Variants in RIMS2 observed in about 807,000 individuals in gnomAD.
The protein encoded by RIMS2 is regulating synaptic membrane exocytosis protein 2.
Under a neutral mutation model 174.4 loss-of-function variants are expected in RIMS2, and 59 were observed. That is an observed-to-expected ratio of 0.34 (90% confidence interval 0.27 to 0.42). The LOEUF (loss-of-function observed/expected upper bound fraction) is 0.42, where lower values mean the gene tolerates loss of function less well. Among genes scored for constraint, RIMS2 ranks in the 10% least tolerant of loss-of-function variants. The pLI is 1.00. For synonymous variants in RIMS2, 606 were observed against 572.5 expected (o/e 1.06, Z -0.84); for missense variants, 1,620 against 1,666.3 (o/e 0.97, Z 0.48).
intron 1 of RIMS2, among the ~76,000 whole-genome samples, chr8:103,653,276 C>T (rs1455083206): frequency 6.6e-6 from 1 of 152,136 alleles, no homozygotes; most frequent in African/African-American, 2.4e-5. Context: ...TCACACTGAC[C>T]TGAAGCATTA....
At position 103,831,765 on chromosome 8, in the gene RIMS2, C is replaced by G. The variant is rs533035067; in HGVS notation, c.699-53533C>G. Among the ~76,000 whole-genome samples, 17 of 152,282 alleles carry G rather than the reference C, an allele frequency of 1.1e-4. No homozygotes were observed. The South Asian group carries it at 3.5e-3, about 32-fold the overall frequency. On this transcript the variant is annotated intron_variant, in intron 3 of 23. Transcript: ENST00000504942. ...TTATACCATTAAGGAAAGTGAGGCT[C>G]AGGCAGAGTCCTGACCAGTGATTAT...
chr8:103,658,957 A>G lies in RIMS2; in HGVS notation c.177-38129A>G, dbSNP rs191737905. On this transcript the variant is annotated intron_variant, in intron 1 of 23. Coordinates refer to ENST00000504942, the Ensembl canonical transcript of RIMS2. ...AATTTAAAAATATGTGGGGCAGTCCATTATTCATTCACAAGGAGAGAGCAG... is the reference window on the plus strand; with the variant it reads ...AATTTAAAAATATGTGGGGCAGTCCGTTATTCATTCACAAGGAGAGAGCAG... Among the ~76,000 whole-genome samples, 137 of 152,354 alleles carry G rather than the reference A, an allele frequency of 9.0e-4. 4 individuals carry two copies. The highest frequency in any genetic ancestry group is 9.0e-3 in the Admixed American group (137 of 15,302).
intron 17 of RIMS2, among the ~76,000 whole-genome samples, chr8:104,006,379 T>C (rs1220651090): frequency 1.3e-5 from 2 of 151,858 alleles, no homozygotes; most frequent in African/African-American, 4.8e-5. Context: ...GGAGAAACCC[T>C]ATCTCTACTA....
At chr8:103,984,545 A>G (rs2094194939) in intron 16 of RIMS2, among the ~76,000 whole-genome samples, 1 of 152,204 alleles carries the variant, frequency 6.6e-6, no homozygotes, top group African/African-American at 2.4e-5. Flanking sequence ...ATCCTAAAAC[A>G]ATAACAAATG....
At chr8:104,255,942 C>T (rs1173297963), downstream of RIMS2, 1 of 152,178 alleles carries the variant, frequency 6.6e-6, no homozygotes, top group Non-Finnish European at 1.5e-5. Context: ...TTCATTTCCT[C>T]ACCTGGAAAA....
intron 1 of RIMS2, among the ~76,000 whole-genome samples, chr8:103,642,565 T>C (rs2096251509): frequency 1.3e-5 from 2 of 152,118 alleles, no homozygotes; most frequent in African/African-American, 4.8e-5. Flanking sequence ...TTCTTGTCTC[T>C]GAAGGAAATG....
chr8:104,047,391 A>C (rs1413368949), intron 19 of RIMS2, among the ~76,000 whole-genome samples: 2 of 152,138 alleles, frequency 1.3e-5, no homozygotes, highest in Non-Finnish European at 2.9e-5. Flanking sequence ...CCTGTAAGAA[A>C]TATTGGTCTG....
chr8:103,929,213 T>C lies in RIMS2; in HGVS notation c.2244+1324T>C, dbSNP rs2079389834. The stretch of plus-strand genomic sequence containing the variant: ...ACCAAAAATATGAAAGCCATATGTT[T>C]ACTCTGTATGAGAAATTGATAATAT... On this transcript the variant is annotated intron_variant, in intron 11 of 23. Coordinates refer to ENST00000504942, the Ensembl canonical transcript of RIMS2. Among the ~76,000 whole-genome samples the C allele has an allele frequency of 2.0e-5, 3 of 151,790 alleles. No homozygotes were observed. The South Asian group carries it at 6.2e-4, about 31-fold the overall frequency.
At chr8:104,169,771 G>A (rs995537876) in intron 19 of RIMS2, among the ~76,000 whole-genome samples, 10 of 151,954 alleles carry the variant, frequency 6.6e-5, no homozygotes, top group Non-Finnish European at 1.5e-5. Flanking sequence ...ACATTAGGTT[G>A]TCTATTTGTG....
At chr8:104,108,033 T>G (rs980759098) in intron 19 of RIMS2, among the ~76,000 whole-genome samples, 1 of 148,764 alleles carries the variant, frequency 6.7e-6, no homozygotes, top group Non-Finnish European at 1.5e-5. Flanking sequence ...CATAATAATG[T>G]ATTTCATGGC....
At chr8:103,531,382 TA>T (rs1467488311) in intron 1 of RIMS2, among the ~76,000 whole-genome samples, 1 of 152,208 alleles carries the variant, frequency 6.6e-6, no homozygotes, top group Non-Finnish European at 1.5e-5. Flanking sequence ...TAGGAATCAA[TA>T]AATCATCTTC....
At chr8:104,159,766 A>G (rs1483113146) in intron 19 of RIMS2, among the ~76,000 whole-genome samples, 1 of 152,140 alleles carries the variant, frequency 6.6e-6, no homozygotes, top group Non-Finnish European at 1.5e-5. Context: ...CCATTTCTTA[A>G]TCAGGTTCCA....
At chr8:103,862,241 C>T (rs2099062654) in intron 3 of RIMS2, among the ~76,000 whole-genome samples, 1 of 151,808 alleles carries the variant, frequency 6.6e-6, no homozygotes, top group African/African-American at 2.4e-5. Context: ...GTGTCCTTTA[C>T]CCATTGTTTA....
chr8:103,621,897 G>A (rs2134682607), intron 1 of RIMS2, among the ~76,000 whole-genome samples: 1 of 152,274 alleles, frequency 6.6e-6, no homozygotes, highest in Middle Eastern at 3.4e-3. Context: ...AAGTACCTAA[G>A]TGATAGAATA....
At chr8:103,750,312 T>G (rs1329878390) in intron 2 of RIMS2, among the ~76,000 whole-genome samples, 2 of 152,184 alleles carry the variant, frequency 1.3e-5, no homozygotes, top group African/African-American at 4.8e-5. Context: ...ATCACATATT[T>G]ACTGATTCAA....
At chr8:103,622,820 C>T (rs2095667424) in intron 1 of RIMS2, among the ~76,000 whole-genome samples, 1 of 152,156 alleles carries the variant, frequency 6.6e-6, no homozygotes, top group African/African-American at 2.4e-5. Context: ...CGGGCATTTG[C>T]ACATGTCTAA....
intron 3 of RIMS2, among the ~76,000 whole-genome samples, chr8:103,801,234 G>A (rs915692157): frequency 2.0e-5 from 3 of 152,030 alleles, no homozygotes; most frequent in African/African-American, 4.8e-5. Flanking sequence ...CAATCCTCCC[G>A]CCTCCGCCTC....
intron 2 of RIMS2, among the ~76,000 whole-genome samples, chr8:103,702,868 T>C (rs2097181997): frequency 6.6e-6 from 1 of 151,624 alleles, no homozygotes; most frequent in Admixed American, 6.6e-5. Context: ...TTTTTTTTTT[T>C]TTTGTATTTT....
chr8:104,029,359 A>C (rs940745290), intron 19 of RIMS2, among the ~76,000 whole-genome samples: 1 of 152,124 alleles, frequency 6.6e-6, no homozygotes, highest in African/African-American at 2.4e-5. Flanking sequence ...CCTATTCAAC[A>C]TGCAGTTGCT....
Sources: allele counts gnomAD v4.1 joint callset (sites outside exome capture counted in the v4.1 genomes callset), GRCh38; gene constraint gnomAD v4.1.1; transcripts MANE v1.5; gene names NCBI Gene and HGNC (gene_info 2026-07-23, HGNC 2026-07-21).